MAGI2: variants seen among roughly 807,000 people sequenced by gnomAD.
MAGI2 encodes the protein membrane-associated guanylate kinase, WW and PDZ domain-containing protein 2.
MAGI2 carries 35 observed loss-of-function variants against 133.3 expected under a neutral mutation model. The ratio of observed to expected loss-of-function variants is 0.26; its 90% CI spans 0.20 to 0.35. MAGI2 has a LOEUF of 0.35. MAGI2 is among the 10% of genes least tolerant of loss of function. The pLI is 1.00. For synonymous variants in MAGI2, 729 were observed against 710.6 expected (o/e 1.03, Z -0.41); for missense variants, 1,636 against 1,863.4 (o/e 0.88, Z 2.25).
chr7:79,082,867 G>T (rs1816164572), intron 1 of MAGI2, among the ~76,000 whole-genome samples: 1 of 151,350 alleles, frequency 6.6e-6, no homozygotes, highest in Non-Finnish European at 1.5e-5. Flanking sequence ...AGTTATTTAG[G>T]TCTTCTTTTA....
intron 2 of MAGI2, among the ~76,000 whole-genome samples, chr7:78,658,292 A>G (rs1584993699): frequency 6.6e-6 from 1 of 152,048 alleles, no homozygotes; most frequent in South Asian, 2.1e-4. Flanking sequence ...TGGTTTTTAA[A>G]AAACGACTTT....
chr7:78,407,094 C>T (rs2151365937), intron 6 of MAGI2, among the ~76,000 whole-genome samples: 1 of 152,144 alleles, frequency 6.6e-6, no homozygotes, highest in Non-Finnish European at 1.5e-5. Flanking sequence ...CAGAAGCAAT[C>T]ATTAAGGTAA....
chr7:78,318,691 A>G (rs1250924973), intron 9 of MAGI2, among the ~76,000 whole-genome samples: 1 of 152,182 alleles, frequency 6.6e-6, no homozygotes, highest in Non-Finnish European at 1.5e-5. Flanking sequence ...GGTTGAAATG[A>G]GGGAAAAAAT....
chr7:78,557,096 AAAAAG>A (rs1360217400), intron 3 of MAGI2, among the ~76,000 whole-genome samples: 1 of 147,584 alleles, frequency 6.8e-6, no homozygotes, highest in Non-Finnish European at 1.5e-5. Flanking sequence ...AAAAAAAAAA[AAAAAG>A]AAAAAGAAAA....
At chr7:78,860,211 G>T (rs1584186895) in intron 2 of MAGI2, among the ~76,000 whole-genome samples, 1 of 152,146 alleles carries the variant, frequency 6.6e-6, no homozygotes, top group Admixed American at 6.5e-5. Context: ...GGAGAAGTTT[G>T]TTATTACCGA....
At chr7:79,177,026 C>T (rs983805916) in intron 1 of MAGI2, 1 of 151,944 alleles carries the variant, frequency 6.6e-6, no homozygotes, top group Non-Finnish European at 1.5e-5. Flanking sequence ...AACTTACTAA[C>T]CCGACCTGCT....
At chr7:78,984,791 A>G (rs1456019223) in intron 2 of MAGI2, among the ~76,000 whole-genome samples, 1 of 151,548 alleles carries the variant, frequency 6.6e-6, no homozygotes, top group Non-Finnish European at 1.5e-5. Context: ...CAAATTATCT[A>G]TTTTTCTGTT....
intron 1 of MAGI2, among the ~76,000 whole-genome samples, chr7:79,232,414 A>T (rs1022771757): frequency 1.3e-4 from 19 of 144,138 alleles, no homozygotes; most frequent in Middle Eastern, 3.6e-3. Flanking sequence ...CTGTGAATCC[A>T]TCTGGTCCTG....
chr7:78,980,543 C>T (rs565948387), intron 2 of MAGI2, among the ~76,000 whole-genome samples: 12 of 151,908 alleles, frequency 7.9e-5, no homozygotes, highest in African/African-American at 2.4e-4. Flanking sequence ...TATATTTCAA[C>T]GCTAATGACA....
In MAGI2 at chr7:78,841,155, C is replaced by T. The variant is rs190143322; in HGVS notation, c.418+165935G>A. 8.0e-3 allele frequency among the ~76,000 whole-genome samples: 1,204 copies of T among 151,098 alleles called. 20 individuals carry two copies. The highest frequency in any genetic ancestry group is 0.028 in the African/African-American group (1,137 of 41,108). On this transcript the variant is annotated intron_variant, in intron 2 of 21. Transcript: ENST00000354212. Reference sequence around the variant, plus strand: ...ACCTTTGAAAAATTACCTACACTCACTGTCTCTAGTTCCACATTGCTTAGT... The same window carrying T: ...ACCTTTGAAAAATTACCTACACTCATTGTCTCTAGTTCCACATTGCTTAGT...
chr7:78,132,538 G>A (rs1282679279), intron 18 of MAGI2, among the ~76,000 whole-genome samples: 3 of 152,182 alleles, frequency 2.0e-5, no homozygotes, highest in South Asian at 2.1e-4. Context: ...TATATTGGCC[G>A]CATTTCCATC....
chr7:78,576,481 T>C (rs1802277442), intron 3 of MAGI2, among the ~76,000 whole-genome samples: 1 of 152,066 alleles, frequency 6.6e-6, no homozygotes, highest in African/African-American at 2.4e-5. Flanking sequence ...CCAGAATTCC[T>C]CTCTTCCAAG....
At chr7:78,659,310 G>A (rs906949541) in intron 2 of MAGI2, among the ~76,000 whole-genome samples, 2 of 150,826 alleles carry the variant, frequency 1.3e-5, no homozygotes, top group African/African-American at 4.9e-5. Flanking sequence ...TTTTAGCTGG[G>A]TGTGGTGGTG....
chr7:78,078,948 A>G lies in MAGI2; in HGVS notation c.3705T>C (p.Tyr1235=), dbSNP rs1205629388. ...GGTGAATTAAAACGTGAAACGTACC[A>G]TATTCTGGGACCTGTCCCGTGCCTC... ...LKRGTGQVPE[Y]DEPAPWSSPA... is the part of the protein sequence containing the mutation. Residue 1235 remains tyrosine, a splice_region_variant and synonymous_variant, in exon 21 of 22, where the codon TAT becomes TAC. Transcript: ENST00000354212. The G allele has an allele frequency of 5.0e-6, 8 of 1,612,704 alleles. No homozygotes were observed. Among genetic ancestry groups the G allele is most frequent in the Middle Eastern group, 3.3e-4 (2 of 6,082 alleles).
intron 21 of MAGI2, 174 bp downstream of exon 21, chr7:78,078,771 CAT>C (rs1815631150): frequency 1.6e-6 from 1 of 638,464 alleles, no homozygotes. Context: ...TGGGCATAAA[CAT>C]ACGTGTGTGT....
In MAGI2 at chr7:78,343,823, C is replaced by T. The variant is rs1584943945; in HGVS notation, c.1363G>A (p.Val455Met). Residue 455 changes from valine to methionine, a missense_variant, in exon 9 of 22, where the codon GTG becomes ATG. Val to Met is a conservative substitution (Grantham distance 21, BLOSUM62 1). Transcript: ENST00000354212. The stretch of plus-strand genomic sequence containing the variant: ...TGTGCTGCAGGCCCATCCGGAATCA[C>T]ACTTTTCACCTGCAGAAACTCATCA... ...EPDEFLQVKS[V>M]IPDGPAAQDG... The T allele has an allele frequency of 2.5e-6, 4 of 1,610,150 alleles. No individual in the cohort carries two copies. Among genetic ancestry groups the T allele is most frequent in the Non-Finnish European group, 3.4e-6 (4 of 1,178,604 alleles).
intron 9 of MAGI2, among the ~76,000 whole-genome samples, chr7:78,276,522 TTAAG>T (rs1795072847): frequency 6.6e-6 from 1 of 152,108 alleles, no homozygotes; most frequent in Non-Finnish European, 1.5e-5. Context: ...TTTATTTCAC[TTAAG>T]TATTTTTCTT....
At chr7:78,168,334 AT>A (rs1448892251) in intron 14 of MAGI2, among the ~76,000 whole-genome samples, 2 of 152,106 alleles carry the variant, frequency 1.3e-5, no homozygotes, top group Admixed American at 1.3e-4. Flanking sequence ...TTGCCCTCAA[AT>A]CTGAGCATGC....
intron 2 of MAGI2, among the ~76,000 whole-genome samples, chr7:78,981,322 C>T (rs997508534): frequency 6.6e-6 from 1 of 151,458 alleles, no homozygotes; most frequent in South Asian, 2.1e-4. Flanking sequence ...TCATAGTTTT[C>T]GTCTCTTTAT....
Sources: allele counts gnomAD v4.1 joint callset (sites outside exome capture counted in the v4.1 genomes callset), GRCh38; gene constraint gnomAD v4.1.1; transcripts MANE v1.5; gene names NCBI Gene and HGNC (gene_info 2026-07-23, HGNC 2026-07-21).